Variants in SPTBN1 observed in about 807,000 individuals in gnomAD.
The protein encoded by SPTBN1 is spectrin beta chain, non-erythrocytic 1.
In SPTBN1, 32 loss-of-function variants were observed where a neutral mutation model predicts 266.4. That is an observed-to-expected ratio of 0.12 (90% confidence interval 0.09 to 0.16). The LOEUF (loss-of-function observed/expected upper bound fraction) is 0.16. Among genes scored for constraint, SPTBN1 ranks in the 10% least tolerant of loss-of-function variants. SPTBN1 has a pLI of 1.00. For synonymous variants in SPTBN1, 1,336 were observed against 1,162.2 expected, an observed-to-expected ratio of 1.15 and a Z score of -3.04; for missense variants, 2,296 against 3,067.1, an observed-to-expected ratio of 0.75 and a Z score of 5.94.
chr2:54,510,220 A>G (rs1196291265), intron 1 of SPTBN1, among the ~76,000 whole-genome samples: 1 of 152,162 alleles, frequency 6.6e-6, no homozygotes, highest in Non-Finnish European at 1.5e-5. Flanking sequence ...TGCTGGGATT[A>G]TAGGCGTGAG....
chr2:54,668,607 T>A lies in SPTBN1; in HGVS notation c.*38T>A, dbSNP rs1034787280. The A allele has an allele frequency of 3.9e-6, 6 of 1,556,986 alleles. No homozygotes were observed. The highest frequency in any genetic ancestry group is 5.2e-6 in the Non-Finnish European group (6 of 1,146,630). Reference sequence around the variant, plus strand: ...CACCTCCTGCCCTTCTCTTACCTTTTCAGTGAAATTCCAGCATGCAAGCTC... The same window carrying A: ...CACCTCCTGCCCTTCTCTTACCTTTACAGTGAAATTCCAGCATGCAAGCTC... On this transcript the variant is annotated 3_prime_UTR_variant, in exon 36 of 36. Coordinates refer to ENST00000356805, the MANE Select transcript of SPTBN1 (RefSeq NM_003128.3).
At chr2:54,580,600 C>CAA (rs5831313) in intron 2 of SPTBN1, among the ~76,000 whole-genome samples, 6,204 of 137,930 alleles carry the variant, frequency 0.045, 403 homozygotes, top group African/African-American at 0.14. Flanking sequence ...ACACTTTAAC[C>CAA]AAAAAAAAAA....
chr2:54,604,338 C>T (rs1405735754), intron 3 of SPTBN1, among the ~76,000 whole-genome samples: 1 of 152,162 alleles, frequency 6.6e-6, no homozygotes, highest in East Asian at 1.9e-4. Flanking sequence ...GCCAAATTAG[C>T]TCTCAGAAGC....
chr2:54,660,855 G>A (rs1215108587), intron 32 of SPTBN1: 6 of 985,324 alleles, frequency 6.1e-6, no homozygotes, highest in Admixed American at 6.1e-5. Context: ...CACGTGGGAC[G>A]CGGCAGGTGA....
Position 54,464,322 on chromosome 2 carries a change from G to T in SPTBN1, c.-48+7804G>T, listed in dbSNP as rs554120759. ...AAATAAATTATGGCGCAACTGTAGG[G>T]TGGAATTCAATGTAGTGCTTAAAAT... On this transcript the variant is annotated intron_variant, in intron 1 of 35. Transcript: ENST00000356805. Among the ~76,000 whole-genome samples, 7 of 152,316 alleles carry T rather than the reference G, an allele frequency of 4.6e-5. No homozygotes were observed. The East Asian group carries it at 1.3e-3, about 29-fold the overall frequency.
At chr2:54,461,321 G>A (rs75617275) in intron 1 of SPTBN1, among the ~76,000 whole-genome samples, 4,732 of 152,236 alleles carry the variant, frequency 0.031, 162 homozygotes, top group Admixed American at 0.11. Flanking sequence ...GTATTCTAAC[G>A]TGATTTATTT....
At chr2:54,579,087 C>T (rs932729602) in intron 2 of SPTBN1, among the ~76,000 whole-genome samples, 1 of 152,100 alleles carries the variant, frequency 6.6e-6, no homozygotes, top group Non-Finnish European at 1.5e-5. Flanking sequence ...AATGACAAAA[C>T]TACAATTACT....
intron 1 of SPTBN1, among the ~76,000 whole-genome samples, chr2:54,464,593 T>C (rs1038239668): frequency 2.0e-5 from 3 of 152,236 alleles, no homozygotes; most frequent in Non-Finnish European, 4.4e-5. Context: ...TTTTGAAATA[T>C]TTCACGGTAG....
chr2:54,586,806 G>A (rs983115087), intron 2 of SPTBN1, among the ~76,000 whole-genome samples: 6 of 152,278 alleles, frequency 3.9e-5, no homozygotes, highest in South Asian at 2.1e-4. Flanking sequence ...TGTCAAGAAC[G>A]GCTGGAATTG....
rs544621155 is a variant in SPTBN1 at position 54,538,396 on chromosome 2, T to C, written c.148+11830T>C. ...TACTAGAGTGCCATTCTAGATTCTT[T>C]AGCAGTACAGTGATATAAGTACTCT... On this transcript the variant is annotated intron_variant, in intron 2 of 35. Transcript: ENST00000356805. Among the ~76,000 whole-genome samples the C allele has an allele frequency of 3.9e-5, 6 of 152,344 alleles. No individual in the cohort carries two copies. In the South Asian group the frequency reaches 6.2e-4, roughly 16 times the overall value.
At chr2:54,624,076 A>G (rs939395722) in intron 10 of SPTBN1, among the ~76,000 whole-genome samples, 7 of 152,344 alleles carry the variant, frequency 4.6e-5, no homozygotes, top group African/African-American at 1.7e-4. Context: ...CCAACTAGAA[A>G]GAAATTTGAA....
At chr2:54,457,775 T>C (rs1405027759) in intron 1 of SPTBN1, among the ~76,000 whole-genome samples, 1 of 152,202 alleles carries the variant, frequency 6.6e-6, no homozygotes, top group African/African-American at 2.4e-5. Context: ...TTCTGCTGGA[T>C]GTGGCGTCAG....
chr2:54,507,298 C>T (rs902278461), intron 1 of SPTBN1, among the ~76,000 whole-genome samples: 1 of 152,074 alleles, frequency 6.6e-6, no homozygotes, highest in East Asian at 1.9e-4. Flanking sequence ...GCCTGACATT[C>T]CTGTCTTCTT....
intron 2 of SPTBN1, among the ~76,000 whole-genome samples, chr2:54,548,913 GT>G (rs1385996636): frequency 3.3e-5 from 5 of 152,120 alleles, no homozygotes; most frequent in Admixed American, 6.5e-5. Context: ...CAGAGTCCTT[GT>G]TTTCATCAGT....
intron 34 of SPTBN1, 138 bp downstream of exon 34, chr2:54,666,226 C>A: frequency 1.1e-6 from 1 of 929,072 alleles, no homozygotes; most frequent in Non-Finnish European, 1.6e-6. Flanking sequence ...AGTGAAAAAC[C>A]AGTTTGGCAC....
intron 2 of SPTBN1, among the ~76,000 whole-genome samples, chr2:54,530,068 T>G (rs1671123036): frequency 6.6e-6 from 1 of 152,066 alleles, no homozygotes; most frequent in Non-Finnish European, 1.5e-5. Context: ...GCCATAAAAA[T>G]GTACATATCA....
intron 10 of SPTBN1, 97 bp downstream of exon 10, chr2:54,623,693 G>A (rs945981380): frequency 2.0e-6 from 2 of 992,870 alleles, no homozygotes; most frequent in South Asian, 1.7e-5. Context: ...AGACTGGAAG[G>A]GGCTGTCCCC....
chr2:54,550,871 G>A (rs1294921763), intron 2 of SPTBN1, among the ~76,000 whole-genome samples: 1 of 152,196 alleles, frequency 6.6e-6, no homozygotes, highest in African/African-American at 2.4e-5. Flanking sequence ...CATGGATGGG[G>A]CTGAGAACGT....
rs1490392664 is a variant in SPTBN1, at chr2:54,594,865, G to C, written c.149-4227G>C. On this transcript the variant is annotated intron_variant, in intron 2 of 35. Transcript: ENST00000356805. ...TTTTTTTTTTTTGAGACAGAGTTTC[G>C]CTCTTGTTGCCAAGGCTGGAGTGCA... 3.2e-5 allele frequency among the ~76,000 whole-genome samples: 3 copies of C among 94,598 alleles called. 1 individual carries two copies. The highest frequency in any genetic ancestry group is 1.1e-4 in the African/African-American group (2 of 18,152). 62.1% of individuals were successfully genotyped at this position (94,598 alleles called of 152,430 possible).
Sources: allele counts gnomAD v4.1 joint callset (sites outside exome capture counted in the v4.1 genomes callset), GRCh38; gene constraint gnomAD v4.1.1; transcripts MANE v1.5; gene names NCBI Gene and HGNC (gene_info 2026-07-23, HGNC 2026-07-21).